NPAS3: variants seen among roughly 807,000 people sequenced by gnomAD.
NPAS3 encodes neuronal PAS domain-containing protein 3.
Under a neutral mutation model 73.1 loss-of-function variants are expected in NPAS3, and 14 were observed. The observed-to-expected ratio is 0.19, with a 90% confidence interval of 0.13 to 0.30. NPAS3 has a LOEUF of 0.30. Among genes scored for constraint, NPAS3 ranks in the 10% least tolerant of loss-of-function variants. The pLI, the probability that NPAS3 is intolerant of heterozygous loss-of-function variation, is 1.00. For synonymous variants in NPAS3, 620 were observed against 541.5 expected, an observed-to-expected ratio of 1.14 and a Z score of -2.01; for missense variants, 1,096 against 1,250.0, an observed-to-expected ratio of 0.88 and a Z score of 1.86.
chr14:33,190,989 T>C (rs1485605151), intron 2 of NPAS3, among the ~76,000 whole-genome samples: 24 of 152,230 alleles, frequency 1.6e-4, no homozygotes, highest in Admixed American at 1.5e-3. Context: ...CTTTATTGTC[T>C]TTCCATAAGT....
At chr14:33,043,770 C>A (rs2040417734) in intron 1 of NPAS3, among the ~76,000 whole-genome samples, 1 of 151,402 alleles carries the variant, frequency 6.6e-6, no homozygotes, top group Non-Finnish European at 1.5e-5. Flanking sequence ...ATAATCAGAG[C>A]AGTTCAGATT....
At chr14:33,697,564 A>C (rs1386254918) in intron 6 of NPAS3, among the ~76,000 whole-genome samples, 1 of 152,214 alleles carries the variant, frequency 6.6e-6, no homozygotes, top group Non-Finnish European at 1.5e-5. Context: ...TAAATAAGCA[A>C]CTAACCCATT....
chr14:33,518,877 G>T (rs1335367367), intron 4 of NPAS3, among the ~76,000 whole-genome samples: 1 of 152,104 alleles, frequency 6.6e-6, no homozygotes, highest in African/African-American at 2.4e-5. Flanking sequence ...GAGCTATATT[G>T]TGGTCTTATT....
intron 3 of NPAS3, among the ~76,000 whole-genome samples, chr14:33,350,068 G>A (rs928115172): frequency 2.0e-5 from 3 of 152,184 alleles, no homozygotes; most frequent in Non-Finnish European, 4.4e-5. Flanking sequence ...TGCACTTAAT[G>A]CAGCTGCATT....
chr14:33,245,862 T>C (rs1301672333), intron 3 of NPAS3, among the ~76,000 whole-genome samples: 1 of 151,976 alleles, frequency 6.6e-6, no homozygotes, highest in Non-Finnish European at 1.5e-5. Flanking sequence ...GTCACAACTT[T>C]AAGTGTTACA....
chr14:33,439,339 GATAAA>G (rs1208581824), intron 4 of NPAS3, among the ~76,000 whole-genome samples: 1 of 152,144 alleles, frequency 6.6e-6, no homozygotes, highest in Non-Finnish European at 1.5e-5. Context: ...AGTTTGTCTA[GATAAA>G]ATAAACAGTT....
intron 5 of NPAS3, among the ~76,000 whole-genome samples, chr14:33,584,797 G>A (rs547502718): frequency 8.5e-5 from 13 of 152,206 alleles, no homozygotes; most frequent in Admixed American, 2.0e-4. Context: ...TGACTTCCAG[G>A]AGTTTACTGT....
intron 3 of NPAS3, among the ~76,000 whole-genome samples, chr14:33,354,601 G>A (rs1016697099): frequency 5.3e-5 from 8 of 152,118 alleles, no homozygotes; most frequent in African/African-American, 9.7e-5. Flanking sequence ...TCAATTCTGC[G>A]CCTCAGGCCC....
intron 5 of NPAS3, among the ~76,000 whole-genome samples, chr14:33,567,285 G>C (rs998407883): frequency 2.6e-5 from 4 of 152,184 alleles, no homozygotes. Context: ...GAGTGAACAA[G>C]ACGTGCTTCC....
At chr14:33,055,783 T>C in intron 1 of NPAS3, 122 bp from the exon 2 acceptor site, 1 of 613,950 alleles carries the variant, frequency 1.6e-6, no homozygotes, top group Admixed American at 2.6e-5. Flanking sequence ...ATTGCAATTG[T>C]GTGTAGAGCT....
chr14:33,422,277 T>G (rs962188156), intron 4 of NPAS3, among the ~76,000 whole-genome samples: 4 of 152,044 alleles, frequency 2.6e-5, no homozygotes, highest in African/African-American at 9.6e-5. Flanking sequence ...CCAACTAAGA[T>G]GAGCCCAGTT....
intron 1 of NPAS3, among the ~76,000 whole-genome samples, chr14:32,944,370 G>C (rs1029291737): frequency 5.3e-5 from 8 of 152,128 alleles, no homozygotes; most frequent in Non-Finnish European, 5.9e-5. Context: ...CTGAAACTTA[G>C]TAAATAAGTT....
intron 2 of NPAS3, among the ~76,000 whole-genome samples, chr14:33,140,037 T>C (rs2043988830): frequency 6.6e-6 from 1 of 152,150 alleles, no homozygotes; most frequent in Non-Finnish European, 1.5e-5. Context: ...TCCTTCTTAA[T>C]AATTATAGTA....
intron 3 of NPAS3, among the ~76,000 whole-genome samples, chr14:33,293,285 T>C (rs534103400): frequency 1.4e-4 from 21 of 152,284 alleles, no homozygotes; most frequent in African/African-American, 4.8e-4. Flanking sequence ...GAAAGAGTTA[T>C]TGTAAACTTA....
chr14:33,254,374 G>A (rs1200559233), intron 3 of NPAS3, among the ~76,000 whole-genome samples: 1 of 152,036 alleles, frequency 6.6e-6, no homozygotes, highest in Non-Finnish European at 1.5e-5. Context: ...AGGATGACTT[G>A]GGTTTCCAGT....
At chr14:33,617,397 C>T (rs759901080) in intron 5 of NPAS3, among the ~76,000 whole-genome samples, 1 of 152,086 alleles carries the variant, frequency 6.6e-6, no homozygotes, top group Non-Finnish European at 1.5e-5. Flanking sequence ...GAAAGAAAAT[C>T]CCAGAAGAGA....
Position 33,248,714 on chromosome 14 carries a change from C to T in NPAS3, c.385+33288C>T, listed in dbSNP as rs146010428. Among the ~76,000 whole-genome samples the T allele has an allele frequency of 8.4e-3, 1,286 of 152,222 alleles. 16 individuals carry two copies. The highest frequency in any genetic ancestry group is 0.029 in the African/African-American group (1,187 of 41,520). On this transcript the variant is annotated intron_variant, in intron 3 of 11. Coordinates refer to ENST00000356141, the Ensembl canonical transcript of NPAS3. ...TATTTTTCCCACTGTGATTGGTTGT[C>T]ACCATCATAATGATAGCTTTGACCT...
chr14:33,669,471 C>A (rs903294854), intron 5 of NPAS3, among the ~76,000 whole-genome samples: 6 of 152,098 alleles, frequency 3.9e-5, no homozygotes, highest in Non-Finnish European at 7.4e-5. Context: ...ACTGATGTCT[C>A]TTAAGGAAAA....
At chr14:33,261,957 T>A (rs1566735533) in intron 3 of NPAS3, among the ~76,000 whole-genome samples, 1 of 152,160 alleles carries the variant, frequency 6.6e-6, no homozygotes, top group Non-Finnish European at 1.5e-5. Context: ...TTGGTAAAGG[T>A]AATGAAGCAG....
Sources: allele counts gnomAD v4.1 joint callset (sites outside exome capture counted in the v4.1 genomes callset), GRCh38; gene constraint gnomAD v4.1.1; transcripts MANE v1.5; gene names NCBI Gene and HGNC (gene_info 2026-07-23, HGNC 2026-07-21).